Variants in SPATA31H1 observed in about 807,000 individuals in gnomAD.
The protein encoded by SPATA31H1 is spermatogenesis-associated protein 31H1.
At chr2:27,579,914 A>G in the SPATA31H1 span, 1 of 1,614,210 alleles carries the variant, frequency 6.2e-7, no homozygotes, top group East Asian at 2.2e-5. Flanking sequence ...CTTCAGGTCT[A>G]GTCCTAAAAT....
At chr2:27,571,731 T>C in the SPATA31H1 span, 1 of 398,496 alleles carries the variant, frequency 2.5e-6, no homozygotes, top group South Asian at 1.3e-4. Flanking sequence ...GATTACTCCA[T>C]GTTTAAAGCT....
the SPATA31H1 span, among the ~76,000 whole-genome samples, chr2:27,548,874 A>G: frequency 2.0e-5 from 3 of 151,594 alleles, no homozygotes; most frequent in Admixed American, 1.3e-4. Flanking sequence ...GGAGTTCAAG[A>G]CCAGCCTGGC....
chr2:27,578,384 G>A, the SPATA31H1 span: 1 of 1,613,962 alleles, frequency 6.2e-7, no homozygotes, highest in Non-Finnish European at 8.5e-7. Context: ...TAAAATCTGA[G>A]GAGTTAGCAC....
the SPATA31H1 span, chr2:27,572,136 A>G: frequency 2.5e-6 from 1 of 398,418 alleles, no homozygotes; most frequent in Non-Finnish European, 4.4e-6. Context: ...ATCTGAATTG[A>G]CTCCAGAATC....
chr2:27,580,645 A>G, the SPATA31H1 span: 1 of 1,614,230 alleles, frequency 6.2e-7, no homozygotes, highest in Non-Finnish European at 8.5e-7. Context: ...CAGAGCCTAA[A>G]GCGGGCATTC....
chr2:27,539,258 T>G, the SPATA31H1 span, among the ~76,000 whole-genome samples: 3 of 149,420 alleles, frequency 2.0e-5, no homozygotes, highest in African/African-American at 7.7e-5. Context: ...CCCTGCGGCC[T>G]TCCGGCCTTC....
At chr2:27,581,914 G>A in the SPATA31H1 span, 4 of 1,612,290 alleles carry the variant, frequency 2.5e-6, no homozygotes, top group East Asian at 2.2e-5. Flanking sequence ...TCTGAGAGAA[G>A]ACATCACAGT....
chr2:27,579,884 C>G, the SPATA31H1 span: 1 of 1,614,208 alleles, frequency 6.2e-7, no homozygotes, highest in Non-Finnish European at 8.5e-7. Flanking sequence ...AAATACCCCC[C>G]GATGTGCCTC....
At chr2:27,577,259 C>G in the SPATA31H1 span, 1 of 1,613,974 alleles carries the variant, frequency 6.2e-7, no homozygotes, top group Non-Finnish European at 8.5e-7. The surrounding 1 kb of genome is among the most constrained non-coding windows in gnomAD (Gnocchi z 4.5). Context: ...AGAAAAGCTA[C>G]CAAATCCTAG....
At chr2:27,582,010 G>A in the SPATA31H1 span, 4 of 1,613,808 alleles carry the variant, frequency 2.5e-6, no homozygotes, top group African/African-American at 5.3e-5. Context: ...TTGGAGAGGA[G>A]CCGTCACAGT....
the SPATA31H1 span, chr2:27,570,752 A>T: frequency 2.5e-6 from 1 of 399,032 alleles, no homozygotes; most frequent in East Asian, 3.6e-5. Flanking sequence ...CAGAGGGGGA[A>T]GGGGTTAAGC....
chr2:27,567,741 G>C, the SPATA31H1 span: 4 of 398,962 alleles, frequency 1.0e-5, no homozygotes, highest in Non-Finnish European at 1.3e-5. Flanking sequence ...GAGGGTCATA[G>C]GTTTTCCAGA....
chr2:27,552,025 A>G, the SPATA31H1 span, among the ~76,000 whole-genome samples: 1 of 151,972 alleles, frequency 6.6e-6, no homozygotes, highest in Non-Finnish European at 1.5e-5. Flanking sequence ...CATGTTGGCC[A>G]GGATGGTTTT....
At chr2:27,561,455 C>T in the SPATA31H1 span, among the ~76,000 whole-genome samples, 7 of 152,204 alleles carry the variant, frequency 4.6e-5, no homozygotes, top group Admixed American at 4.6e-4. Flanking sequence ...TCTCACTTAT[C>T]TCTTTTGTGT....
the SPATA31H1 span, chr2:27,575,439 C>T: frequency 2.5e-6 from 1 of 398,508 alleles, no homozygotes; most frequent in East Asian, 3.6e-5. The surrounding 1 kb of genome is among the most constrained non-coding windows in gnomAD (Gnocchi z 4.1). Context: ...ATTCAATCTT[C>T]AGCAACAGTT....
chr2:27,537,628 C>G, the SPATA31H1 span: 1 of 697,688 alleles, frequency 1.4e-6, no homozygotes, highest in Non-Finnish European at 2.7e-6. Flanking sequence ...GCCATAGAAA[C>G]TGCCATACTT....
the SPATA31H1 span, chr2:27,580,640 C>T: frequency 1.2e-6 from 2 of 1,614,092 alleles, no homozygotes; most frequent in African/African-American, 1.3e-5. Flanking sequence ...TTTTTCAGAG[C>T]CTAAAGCGGG....
chr2:27,568,214 A>C, the SPATA31H1 span: 1 of 398,952 alleles, frequency 2.5e-6, no homozygotes, highest in Non-Finnish European at 4.4e-6. Flanking sequence ...TCATAGAGTC[A>C]GTGAAAATGA....
At chr2:27,557,818 A>AC in the SPATA31H1 span, among the ~76,000 whole-genome samples, 23 of 20,404 alleles carry the variant, frequency 1.1e-3, no homozygotes, top group African/African-American at 1.8e-3. Context: ...CGGGGGGCTG[A>AC]CCCCCCCCAC....
Sources: gnomAD v4.1 joint callset for allele counts (sites outside exome capture counted in the v4.1 genomes callset) on GRCh38, gnomAD v4.1.1 for gene constraint, Gnocchi (gnomAD v3.1) non-coding constraint, MANE v1.5 for transcripts, NCBI Gene and HGNC (gene_info 2026-07-23, HGNC 2026-07-21) for gene names.